Variants in LTBP3 observed in about 807,000 individuals in gnomAD.
LTBP3 encodes latent-transforming growth factor beta-binding protein 3.
In LTBP3, 97 loss-of-function variants were observed where a neutral mutation model predicts 159.7. The ratio of observed to expected loss-of-function variants is 0.61; its 90% CI spans 0.52 to 0.72. The LOEUF is 0.72. LTBP3 is among the 30% of genes least tolerant of loss of function. The pLI is 0.00. For synonymous variants in LTBP3, 824 were observed against 777.1 expected (o/e 1.06, Z -1.00); for missense variants, 1,584 against 1,864.3 (o/e 0.85, Z 2.77).
At position 65,558,079 on chromosome 11, in the gene LTBP3, C is replaced by T; in HGVS notation, c.-120G>A. 1.2e-6 allele frequency: 1 copy of T among 846,734 alleles called. No homozygotes were observed. 52.5% of individuals were successfully genotyped at this position (846,734 alleles called of 1,614,324 possible). On this transcript the variant is annotated 5_prime_UTR_variant, in exon 1 of 28. Coordinates refer to ENST00000301873, the MANE Select transcript of LTBP3 (RefSeq NM_001130144.3). ...GGTAGGGGGCAGCGAGGGAGGGCAG[C>T]GGGGGAAGCGGGCGGGAGGGGACCG...
chr11:65,541,047 C>T, intron 20 of LTBP3, 79 bp downstream of exon 20: 1 of 1,583,364 alleles, frequency 6.3e-7, no homozygotes. Flanking sequence ...TTCCCAACTG[C>T]CAGGGGGCGC....
rs1353896093 is a variant in LTBP3 at position 65,558,158 on chromosome 11, A to C, written c.-199T>G. The stretch of plus-strand genomic sequence containing the variant: ...CAGACTGGACAGCGGGGAGCGCAGA[A>C]ACTTCCCAGCCCCAGGACGAAGCCC... On this transcript the variant is annotated 5_prime_UTR_variant, in exon 1 of 28. Transcript: ENST00000301873. The C allele has an allele frequency of 1.9e-6, 2 of 1,073,214 alleles. No homozygotes were observed. The highest frequency in any genetic ancestry group is 2.3e-6 in the Non-Finnish European group (2 of 885,630). 66.5% of individuals were successfully genotyped at this position (1,073,214 alleles called of 1,614,324 possible).
At position 65,540,469 on chromosome 11, in the gene LTBP3, CG is replaced by C; in HGVS notation, c.3106+16del. On this transcript the variant is annotated intron_variant, in intron 22 of 27. Coordinates refer to ENST00000301873, the MANE Select transcript of LTBP3 (RefSeq NM_001130144.3). ...CTCCCTGCCGCTTCCCCACGGCCGC[CG>C]GGGGGCGGAGCTCACCCACGCATTC... 1.2e-6 allele frequency: 2 copies of C among 1,612,988 alleles called. No individual in the cohort carries two copies. Among genetic ancestry groups the C allele is most frequent in the Non-Finnish European group, 1.7e-6 (2 of 1,179,688 alleles).
At chr11:65,551,033 A>T in intron 11 of LTBP3, 93 bp downstream of exon 11, 1 of 968,432 alleles carries the variant, frequency 1.0e-6, no homozygotes, top group Non-Finnish European at 1.6e-6. Context: ...CTAGCCTATT[A>T]GCGCTAGGGA....
At position 65,540,018 on chromosome 11, in the gene LTBP3, G is replaced by A. The variant is rs761857145; in HGVS notation, c.3380C>T (p.Pro1127Leu). Reference sequence around the variant, plus strand: ...AGGCCAACCCTCGCCCTCACCGGCCGGGCTCTCGGGGAGCTGGCAATCGCG... The same window carrying A: ...AGGCCAACCCTCGCCCTCACCGGCCAGGCTCTCGGGGAGCTGGCAATCGCG... ...SGRDCQLPES[P>L]AERAPERRDV... Residue 1127 changes from proline (P) to leucine (L), a missense_variant, in exon 24 of 28, where the codon CCG (proline) becomes CTG (leucine). Around this residue, in one of 6 missense-constraint regions of LTBP3, gnomAD observed 514 missense variants for 530.3 expected, o/e 0.97. Coordinates refer to ENST00000301873, the MANE Select transcript of LTBP3 (RefSeq NM_001130144.3). 2.0e-6 allele frequency: 3 copies of A among 1,498,600 alleles called. No individual in the cohort carries two copies. Among genetic ancestry groups the A allele is most frequent in the South Asian group, 2.5e-5 (2 of 79,626 alleles). 92.8% of individuals were successfully genotyped at this position (1,498,600 alleles called of 1,614,324 possible). A position where few individuals can be genotyped will look rare whatever the true frequency, so the allele number is the denominator to read the frequency against.
intron 10 of LTBP3, 33 bp downstream of exon 10, chr11:65,551,369 C>G: frequency 6.2e-7 from 1 of 1,608,528 alleles, no homozygotes; most frequent in Non-Finnish European, 8.5e-7. Context: ...TGATTTAGCC[C>G]TTGAGGACTC....
Position 65,547,411 on chromosome 11 carries a change from T to C in LTBP3, c.2107+28A>G. 4 of 1,610,436 alleles carry C rather than the reference T, an allele frequency of 2.5e-6. No homozygotes were observed. Among genetic ancestry groups the C allele is most frequent in the Non-Finnish European group, 3.4e-6 (4 of 1,179,780 alleles). ...GGTGGAGAGACAGCTAAGGAGCTCC[T>C]TCTTTGGTCTGAATGGGGTCCCCTC... On this transcript the variant is annotated intron_variant, in intron 14 of 27. Transcript: ENST00000301873. The surrounding 1 kb of genome is among the most constrained non-coding windows in gnomAD (Gnocchi z 4.6).
chr11:65,545,058 G>A (rs1040321407), intron 16 of LTBP3: 2 of 164,130 alleles, frequency 1.2e-5, no homozygotes, highest in African/African-American at 4.8e-5. Flanking sequence ...TAGGATTAGG[G>A]GGCAGACCCC....
chr11:65,541,422 T>C (rs1856132509), intron 19 of LTBP3, 129 bp from the exon 20 acceptor site: 4 of 1,410,092 alleles, frequency 2.8e-6, no homozygotes, highest in Non-Finnish European at 3.9e-6. Flanking sequence ...GAGTTGGCTC[T>C]GTTCTCAACG....
Position 65,546,189 on chromosome 11 carries a change from TG to T in LTBP3, c.2353+252del. 1 of 542,204 alleles carries T rather than the reference TG, an allele frequency of 1.8e-6. No individual in the cohort carries two copies. The highest frequency in any genetic ancestry group is 2.3e-5 in the South Asian group (1 of 44,186). The allele number at this position is 542,204 out of a possible 1,614,324, so 33.6% of individuals were successfully genotyped here. ...AGTACTATCGTCTGCCCTCATTCTT[TG>T]ATATCTTTTTTCCTTCAAATTTAAG... is the stretch of plus-strand genomic sequence containing the variant. On this transcript the variant is annotated intron_variant, in intron 16 of 27. Coordinates refer to ENST00000301873, the MANE Select transcript of LTBP3 (RefSeq NM_001130144.3). The surrounding 1 kb of genome is among the most constrained non-coding windows in gnomAD (Gnocchi z 4.0).
chr11:65,551,086 C>T (rs1396575991), intron 11 of LTBP3, 40 bp downstream of exon 11: 3 of 1,498,640 alleles, frequency 2.0e-6, no homozygotes, highest in African/African-American at 1.4e-5. Context: ...AAAGTGGGGG[C>T]GTGGCCTAGG....
Position 65,540,922 on chromosome 11 carries a change from C to T in LTBP3, c.2926G>A (p.Gly976Ser). Residue 976 changes from glycine (G) to serine (S), a missense_variant, in exon 21 of 28, where the codon GGC (glycine) becomes AGC (serine). Coordinates refer to ENST00000301873, the MANE Select transcript of LTBP3 (RefSeq NM_001130144.3). ...ACGATGTTGTTGTCCTGGGTGTAGC[C>T]CTTTCCGTCTGGGCAGAGGCTGTGG... ...EFHSLCPDGK[G>S]YTQDNNIVNY... 1.2e-6 allele frequency: 2 copies of T among 1,613,666 alleles called. No individual in the cohort carries two copies. The highest frequency in any genetic ancestry group is 1.1e-5 in the South Asian group (1 of 90,982).
chr11:65,549,757 G>GAA (rs752434010), intron 11 of LTBP3, among the ~76,000 whole-genome samples: 4,417 of 104,350 alleles, frequency 0.042, 118 homozygotes, highest in African/African-American at 0.046. Flanking sequence ...CCCAGGCCGG[G>GAA]AAAAAAAAAA....
intron 16 of LTBP3, 43 bp from the exon 17 acceptor site, chr11:65,543,592 T>C: frequency 1.2e-6 from 2 of 1,613,422 alleles, no homozygotes; most frequent in Non-Finnish European, 1.7e-6. Flanking sequence ...CTGGGTGGTC[T>C]TGGGTTTCTA....
At position 65,558,321 on chromosome 11, in the gene LTBP3, G is replaced by A; in HGVS notation, c.-362C>T. ...GCCGGGCTCCTCTCCCGCGGCCGCGGGGAGGCAGGGAGCGCGCGGGGAGGG... is the reference window on the plus strand; with the variant it reads ...GCCGGGCTCCTCTCCCGCGGCCGCGAGGAGGCAGGGAGCGCGCGGGGAGGG... On this transcript the variant is annotated 5_prime_UTR_variant, in exon 1 of 28. Transcript: ENST00000301873. The A allele has an allele frequency of 2.3e-6, 1 of 441,036 alleles. No homozygotes were observed. Among genetic ancestry groups the A allele is most frequent in the Non-Finnish European group, 3.2e-6 (1 of 316,344 alleles). The allele number at this position is 441,036 out of a possible 1,614,324, so 27.3% of individuals were successfully genotyped here.
chr11:65,540,704 G>C (rs909502194), intron 21 of LTBP3, 90 bp from the exon 22 acceptor site: 1 of 1,531,766 alleles, frequency 6.5e-7, no homozygotes, highest in Non-Finnish European at 8.7e-7. Flanking sequence ...AGCCATCCCC[G>C]GGCGGGGCCT....
At position 65,557,783 on chromosome 11, in the gene LTBP3, G is replaced by C. The variant is rs1351897536; in HGVS notation, c.177C>G (p.Arg59=). Reference sequence around the variant, plus strand: ...GCGCAAAGACCACCTTGAAGCGCTCGCGGGCCAGCGCCCCGCCCCCGCCTG... The same window carrying C: ...GCGCAAAGACCACCTTGAAGCGCTCCCGGGCCAGCGCCCCGCCCCCGCCTG... The part of the protein sequence containing the change: ...RGAGGGGALA[R]ERFKVVFAPV... The change falls in exon 1 of 28, where the codon CGC becomes CGG. Residue 59 remains arginine, a synonymous_variant. Transcript: ENST00000301873. 3 of 1,589,612 alleles carry C rather than the reference G, an allele frequency of 1.9e-6. No individual in the cohort carries two copies. Among genetic ancestry groups the C allele is most frequent in the South Asian group, 1.1e-5 (1 of 89,878 alleles).
Position 65,551,489 on chromosome 11 carries a change from A to T in LTBP3, c.1549-15T>A. On this transcript the variant is annotated splice_polypyrimidine_tract_variant and intron_variant, in intron 9 of 27. Transcript: ENST00000301873. ...TCACTCACCGGCTGCGGGTGACAGC[A>T]GCATGAGCCCTCCTGTCCCTCGCCT... 1.2e-6 allele frequency: 2 copies of T among 1,614,090 alleles called. No individual in the cohort carries two copies. The highest frequency in any genetic ancestry group is 1.7e-6 in the Non-Finnish European group (2 of 1,180,020).
Position 65,546,278 on chromosome 11 carries a change from A to T in LTBP3, c.2353+164T>A. 2 of 868,456 alleles carry T rather than the reference A, an allele frequency of 2.3e-6. No individual in the cohort carries two copies. The highest frequency in any genetic ancestry group is 1.7e-6 in the Non-Finnish European group (1 of 594,570). 53.8% of individuals were successfully genotyped at this position (868,456 alleles called of 1,614,324 possible). On this transcript the variant is annotated intron_variant, in intron 16 of 27. Transcript: ENST00000301873. This position sits in a 1 kb window ranked among gnomAD's most constrained non-coding sequence, Gnocchi z 4.0. ...GAGACCCTTCCTACGTGGAAATTCTAGTGGTGCCTTCCTTGGCAAAGTTCG... is the reference window on the plus strand; with the variant it reads ...GAGACCCTTCCTACGTGGAAATTCTTGTGGTGCCTTCCTTGGCAAAGTTCG...
Sources: allele counts gnomAD v4.1 joint callset (sites outside exome capture counted in the v4.1 genomes callset), GRCh38; gene constraint gnomAD v4.1.1; regional missense constraint gnomAD v4.1.1; non-coding constraint Gnocchi (gnomAD v3.1); transcripts MANE v1.5; gene names NCBI Gene and HGNC (gene_info 2026-07-23, HGNC 2026-07-21).